GPC6: variants seen among roughly 807,000 people sequenced by gnomAD.
GPC6 encodes the protein glypican 6.
Under a neutral mutation model 55.2 loss-of-function variants are expected in GPC6, and 14 were observed. The observed-to-expected ratio is 0.25, with a 90% CI of 0.17 to 0.40. The LOEUF (loss-of-function observed/expected upper bound fraction) is 0.40, where lower values mean the gene tolerates loss of function less well. Among genes scored for constraint, GPC6 ranks in the 10% least tolerant of loss-of-function variants. The pLI is 1.00. For missense variants in GPC6, 641 were observed against 708.5 expected (o/e 0.90, Z 1.08); for synonymous variants, 278 against 259.6 (o/e 1.07, Z -0.68).
chr13:93,311,508 C>T (rs994317074), intron 1 of GPC6, among the ~76,000 whole-genome samples: 5 of 152,098 alleles, frequency 3.3e-5, no homozygotes, highest in African/African-American at 1.2e-4. Flanking sequence ...TATTTATTTC[C>T]TGGTTCCGGT....
chr13:93,746,671 A>G (rs150206297), intron 2 of GPC6, among the ~76,000 whole-genome samples: 19 of 152,300 alleles, frequency 1.2e-4, no homozygotes, highest in Middle Eastern at 3.4e-3. Flanking sequence ...ATCTTAGACA[A>G]TGCCCAAAGG....
At chr13:94,157,275 T>G (rs1340733016) in intron 4 of GPC6, among the ~76,000 whole-genome samples, 1 of 152,000 alleles carries the variant, frequency 6.6e-6, no homozygotes, top group Non-Finnish European at 1.5e-5. Flanking sequence ...GTTATTATAA[T>G]CCCAATCCTC....
intron 2 of GPC6, among the ~76,000 whole-genome samples, chr13:93,589,294 CA>C (rs2139504307): frequency 6.6e-6 from 1 of 152,100 alleles, no homozygotes; most frequent in Admixed American, 6.5e-5. Context: ...TTCAAACATA[CA>C]AAAACATTGA....
upstream of GPC6, among the ~76,000 whole-genome samples, chr13:93,224,281 G>A (rs1285290987): frequency 2.7e-5 from 4 of 148,204 alleles, no homozygotes; most frequent in East Asian, 8.2e-4. Context: ...CGCAACCTCT[G>A]CCTCCCAGGT....
intron 2 of GPC6, among the ~76,000 whole-genome samples, chr13:93,798,542 C>A (rs752442027): frequency 6.6e-6 from 1 of 152,122 alleles, no homozygotes; most frequent in Admixed American, 6.6e-5. Context: ...TATGTGAATT[C>A]TCCGCTACAG....
intron 1 of GPC6, among the ~76,000 whole-genome samples, chr13:93,401,343 G>A (rs1876069345): frequency 6.6e-6 from 1 of 152,096 alleles, no homozygotes; most frequent in Non-Finnish European, 1.5e-5. Context: ...AGCGCTGTCA[G>A]GGAGGGTGGA....
At chr13:93,979,359 T>C (rs1880684813) in intron 3 of GPC6, among the ~76,000 whole-genome samples, 2 of 151,452 alleles carry the variant, frequency 1.3e-5, no homozygotes, top group Non-Finnish European at 2.9e-5. Context: ...TTTTTAATTT[T>C]TTTTTTATTA....
intron 1 of GPC6, among the ~76,000 whole-genome samples, chr13:93,499,960 T>C (rs1005027689): frequency 6.6e-6 from 1 of 152,162 alleles, no homozygotes; most frequent in Non-Finnish European, 1.5e-5. Flanking sequence ...CTTCCCAGCT[T>C]CATCTGTGAA....
chr13:93,291,109 A>T (rs964753403), intron 1 of GPC6, among the ~76,000 whole-genome samples: 1 of 152,194 alleles, frequency 6.6e-6, no homozygotes, highest in African/African-American at 2.4e-5. Context: ...ATGCTGACAT[A>T]GTATGGCATT....
chr13:93,976,003 C>A (rs958692975), intron 3 of GPC6, among the ~76,000 whole-genome samples: 2 of 151,990 alleles, frequency 1.3e-5, no homozygotes, highest in East Asian at 1.9e-4. Flanking sequence ...ATTAGCAAGA[C>A]CTTTATGGGA....
chr13:93,361,808 C>T (rs1288945182), intron 1 of GPC6, among the ~76,000 whole-genome samples: 7 of 152,094 alleles, frequency 4.6e-5, no homozygotes, highest in African/African-American at 2.4e-5. Flanking sequence ...CTTAAAAACC[C>T]GACTTCAGTA....
At chr13:94,070,049 C>T (rs115917953) in intron 4 of GPC6, among the ~76,000 whole-genome samples, 2,817 of 152,170 alleles carry the variant, frequency 0.019, 92 homozygotes, top group African/African-American at 0.064. Context: ...AAGACATATC[C>T]GAGACTGGGC....
intron 4 of GPC6, among the ~76,000 whole-genome samples, chr13:94,202,546 C>G (rs1335680131): frequency 1.3e-5 from 2 of 152,164 alleles, no homozygotes; most frequent in Non-Finnish European, 2.9e-5. Flanking sequence ...ATGGGGGAAA[C>G]AGCCCCCATG....
chr13:94,214,997 G>A (rs1890184875), intron 4 of GPC6, among the ~76,000 whole-genome samples: 1 of 152,202 alleles, frequency 6.6e-6, no homozygotes, highest in Non-Finnish European at 1.5e-5. Flanking sequence ...TTTTCTTAAA[G>A]ATGTGCAAAA....
At chr13:93,671,665 C>G (rs1328129754) in intron 2 of GPC6, among the ~76,000 whole-genome samples, 2 of 151,832 alleles carry the variant, frequency 1.3e-5, no homozygotes, top group Admixed American at 1.3e-4. Flanking sequence ...AAGGATGGCC[C>G]ACAGCCCTCT....
chr13:93,523,428 T>G (rs1378563796), intron 1 of GPC6, among the ~76,000 whole-genome samples: 1 of 144,706 alleles, frequency 6.9e-6, no homozygotes, highest in Admixed American at 7.0e-5. Flanking sequence ...TTACAGTTGG[T>G]GTATGACATT....
At chr13:93,615,208 GT>G (rs1878661991) in intron 2 of GPC6, among the ~76,000 whole-genome samples, 1 of 151,982 alleles carries the variant, frequency 6.6e-6, no homozygotes, top group African/African-American at 2.4e-5. Context: ...CCCTAACCAG[GT>G]TTTCTTTCAA....
In GPC6 at chr13:94,398,514, T is replaced by C. The variant is rs1594241632; in HGVS notation, c.1338T>C (p.Asn446=). 2 of 1,613,750 alleles carry C rather than the reference T, an allele frequency of 1.2e-6. No homozygotes were observed. Among genetic ancestry groups the C allele is most frequent in the African/African-American group, 1.3e-5 (1 of 75,026 alleles). Residue 446 remains asparagine, a synonymous_variant, in exon 8 of 9, where the codon AAT becomes AAC. Coordinates refer to ENST00000377047, the MANE Select transcript of GPC6 (RefSeq NM_005708.5). ...MNDGLTNQIN[N]PEVDVDITRP... ...ATGGGCTCACCAACCAGATCAACAATCCCGAGGTGGATGTGGACATCACTC... is the reference window on the plus strand; with the variant it reads ...ATGGGCTCACCAACCAGATCAACAACCCCGAGGTGGATGTGGACATCACTC...
At chr13:93,349,983 GTTA>G (rs1309763205) in intron 1 of GPC6, among the ~76,000 whole-genome samples, 1 of 152,112 alleles carries the variant, frequency 6.6e-6, no homozygotes, top group Non-Finnish European at 1.5e-5. Context: ...AATTGTATGT[GTTA>G]TTGTGTTTTT....
Sources: allele counts gnomAD v4.1 joint callset (sites outside exome capture counted in the v4.1 genomes callset), GRCh38; gene constraint gnomAD v4.1.1; transcripts MANE v1.5; gene names NCBI Gene and HGNC (gene_info 2026-07-23, HGNC 2026-07-21).